The following PCSK9 variants were observed in gnomAD, a reference collection of about 807,000 sequenced individuals.
The protein encoded by PCSK9 is convertase subtilisin/kexin type 9 preproprotein.
Under a neutral mutation model 62.1 loss-of-function variants are expected in PCSK9, and 57 were observed. The observed-to-expected ratio is 0.92, with a 90% CI of 0.74 to 1.14. The LOEUF (loss-of-function observed/expected upper bound fraction) is 1.14. Among genes scored for constraint, PCSK9 ranks in the 50% most tolerant of loss-of-function variants. PCSK9 has a pLI of 0.00. For missense variants in PCSK9, 870 were observed against 959.8 expected (o/e 0.91, Z 1.24); for synonymous variants, 387 against 409.4 (o/e 0.95, Z 0.66).
intron 5 of PCSK9, among the ~76,000 whole-genome samples, chr1:55,055,040 CAG>C (rs1344664482): frequency 2.0e-5 from 3 of 150,602 alleles, no homozygotes; most frequent in African/African-American, 7.3e-5. Flanking sequence ...TTACTGTTGA[CAG>C]TAGCATGAGG....
intron 11 of PCSK9, among the ~76,000 whole-genome samples, chr1:55,062,260 A>T (rs1158369135): frequency 6.6e-6 from 1 of 152,268 alleles, no homozygotes; most frequent in Non-Finnish European, 1.5e-5. Context: ...GGCAGCCCTA[A>T]GGAGTCCACT....
In PCSK9 at chr1:55,061,521, G is replaced by A. The variant is rs2100337747; in HGVS notation, c.1828G>A (p.Val610Ile). ...CCHAPGLECK[V>I]KEHGIPAPQE... ...CCATGCCCCAGGTCTGGAATGCAAA[G>A]TCAAGGAGCATGGAATCCCGGCCCC... Residue 610 changes from valine to isoleucine, a missense_variant, in exon 11 of 12, where the codon GTC becomes ATC. Val to Ile is a conservative substitution (Grantham distance 29). Coordinates refer to ENST00000302118, the MANE Select transcript of PCSK9 (RefSeq NM_174936.4). 6.2e-7 allele frequency: 1 copy of A among 1,604,220 alleles called. No individual in the cohort carries two copies. Among genetic ancestry groups the A allele is most frequent in the Non-Finnish European group, 8.5e-7 (1 of 1,175,770 alleles).
intron 5 of PCSK9, among the ~76,000 whole-genome samples, chr1:55,054,661 T>TC (rs1272615724): frequency 6.6e-6 from 1 of 152,166 alleles, no homozygotes; most frequent in Non-Finnish European, 1.5e-5. Context: ...GCGTTAGGCC[T>TC]CCAGTCTCCA....
At position 55,057,474 on chromosome 1, in the gene PCSK9, G is replaced by A; in HGVS notation, c.1140G>A (p.Val380=). The change falls in exon 7 of 12, where the codon GTG becomes GTA. Residue 380 remains valine (V), a synonymous_variant. Transcript: ENST00000302118. ...GASSDCSTCF[V]SQSGTSQAAA... is the part of the protein sequence containing the mutation. ...CCAGCGACTGCAGCACCTGCTTTGT[G>A]TCACAGAGTGGGACATCACAGGCTG... 1 of 1,613,876 alleles carries A rather than the reference G, an allele frequency of 6.2e-7. No homozygotes were observed. Among genetic ancestry groups the A allele is most frequent in the Non-Finnish European group, 8.5e-7 (1 of 1,179,998 alleles).
At chr1:55,058,312 G>A in intron 8 of PCSK9, 103 bp downstream of exon 8, 1 of 1,476,640 alleles carries the variant, frequency 6.8e-7, no homozygotes, top group Admixed American at 1.9e-5. Context: ...GGAGGATGAC[G>A]CCACCTTAAA....
rs760614435 is a variant in PCSK9, at chr1:55,057,388, G to A, written c.1054G>A (p.Gly352Arg). ...CCAGCCGGTGACCCTGGGGACTTTGGGGACCAACTTTGGCCGCTGTGTGGA... is the reference window on the plus strand; with the variant it reads ...CCAGCCGGTGACCCTGGGGACTTTGAGGACCAACTTTGGCCGCTGTGTGGA... The part of the protein sequence containing the change: ...QDQPVTLGTL[G>R]TNFGRCVDLF... The change falls in exon 7 of 12, where the codon GGG (glycine) becomes AGG (arginine). Residue 352 changes from glycine (G) to arginine (R), a missense_variant. Transcript: ENST00000302118. 2 of 1,614,008 alleles carry A rather than the reference G, an allele frequency of 1.2e-6. No homozygotes were observed. The highest frequency in any genetic ancestry group is 1.7e-5 in the Admixed American group (1 of 60,012).
chr1:55,064,828 TAAAAAC>T lies in PCSK9; in HGVS notation c.*1248_*1253del, dbSNP rs1159316619. On this transcript the variant is annotated 3_prime_UTR_variant, in exon 12 of 12. Transcript: ENST00000302118. ...TTATTAATATGGTGACTTTTTAAAA[TAAAAAC>T]AAACAAACGTTGTCCTAACTCTTGC... is the stretch of plus-strand genomic sequence containing the variant. 6.6e-6 allele frequency: 1 copy of T among 152,172 alleles called. No homozygotes were observed. Among genetic ancestry groups the T allele is most frequent in the African/African-American group, 2.4e-5 (1 of 41,452 alleles). The allele number at this position is 152,172 out of a possible 1,614,324, so 9.4% of individuals were successfully genotyped here.
At chr1:55,058,866 G>A (rs1210818814) in intron 9 of PCSK9, among the ~76,000 whole-genome samples, 1 of 152,192 alleles carries the variant, frequency 6.6e-6, no homozygotes, top group East Asian at 1.9e-4. Context: ...ACAGCGGGAA[G>A]GGTTTCCTAG....
chr1:55,049,367 C>T lies in PCSK9; in HGVS notation c.523+2721C>T, dbSNP rs139658497. ...TTGGCCACAGTCTGAGCTTCTCAGGCGTATGGCAGGGCTGCCTGGTGAGAG... is the reference window on the plus strand; with the variant it reads ...TTGGCCACAGTCTGAGCTTCTCAGGTGTATGGCAGGGCTGCCTGGTGAGAG... On this transcript the variant is annotated intron_variant, in intron 3 of 11. Coordinates refer to ENST00000302118, the MANE Select transcript of PCSK9 (RefSeq NM_174936.4). Among the ~76,000 whole-genome samples the T allele has an allele frequency of 6.6e-3, 1,012 of 152,308 alleles. 9 individuals are homozygous for T. Among genetic ancestry groups the T allele is most frequent in the African/African-American group, 0.021 (863 of 41,572 alleles).
At chr1:55,050,437 G>A (rs879490754) in intron 3 of PCSK9, among the ~76,000 whole-genome samples, 3 of 152,226 alleles carry the variant, frequency 2.0e-5, no homozygotes, top group South Asian at 2.1e-4. Context: ...GTGTAGCACC[G>A]GGCACATGGT....
chr1:55,040,092 G>A lies in PCSK9; in HGVS notation c.207+48G>A, dbSNP rs1267993535. ...CCGGGGCGAACCCGCAGCCGGGACG[G>A]TGCGGTGCTGTTTCCTCTCGGGCCT... On this transcript the variant is annotated intron_variant, in intron 1 of 11. Transcript: ENST00000302118. The surrounding 1 kb of genome is among the most constrained non-coding windows in gnomAD (Gnocchi z 4.1). The A allele has an allele frequency of 1.9e-6, 3 of 1,538,890 alleles. No individual in the cohort carries two copies. Among genetic ancestry groups the A allele is most frequent in the Non-Finnish European group, 2.6e-6 (3 of 1,139,008 alleles).
chr1:55,045,528 G>A (rs1557500187), intron 2 of PCSK9, among the ~76,000 whole-genome samples: 1 of 152,184 alleles, frequency 6.6e-6, no homozygotes, highest in South Asian at 2.1e-4. Flanking sequence ...GTTGTGGCAG[G>A]AGGCTGTTAC....
At position 55,052,398 on chromosome 1, in the gene PCSK9, G is replaced by A. The variant is rs794728683; in HGVS notation, c.644G>A (p.Arg215His). ...AATGTGCCCGAGGAGGACGGGACCC[G>A]CTTCCACAGACAGGTAAGCACGGCC... ...FENVPEEDGT[R>H]FHRQASKCDS... is the part of the protein sequence containing the mutation. The change falls in exon 4 of 12, where the codon CGC becomes CAC. Residue 215 changes from arginine (R) to histidine (H), a missense_variant. Coordinates refer to ENST00000302118, the MANE Select transcript of PCSK9 (RefSeq NM_174936.4). 3.7e-6 allele frequency: 6 copies of A among 1,613,768 alleles called. No individual in the cohort carries two copies. The highest frequency in any genetic ancestry group is 1.7e-5 in the Admixed American group (1 of 60,004).
chr1:55,051,573 G>A (rs1644674164), intron 3 of PCSK9: 1 of 242,956 alleles, frequency 4.1e-6, no homozygotes, highest in South Asian at 4.7e-5. Context: ...TCCTGCATGG[G>A]CGACTCCCCC....
At chr1:55,046,741 C>G (rs531430686) in intron 3 of PCSK9, 95 bp downstream of exon 3, 155 of 1,494,378 alleles carry the variant, frequency 1.0e-4, no homozygotes, top group Admixed American at 5.2e-5. Flanking sequence ...TTCCACTTCT[C>G]GGGGGGCTTT....
rs1644584450 is a variant in PCSK9, at chr1:55,039,878, CACTGCTGCT to C, written c.42_50del (p.Leu21_Leu23del). 6.5e-7 allele frequency: 1 copy of C among 1,547,748 alleles called. No individual in the cohort carries two copies. The highest frequency in any genetic ancestry group is 8.7e-7 in the Non-Finnish European group (1 of 1,143,514). On this transcript the variant is annotated inframe_deletion, in exon 1 of 12. Transcript: ENST00000302118. ...TCCAGGCGGTCCTGGTGGCCGCTGC[CACTGCTGCT>C]GCTGCTGCTGCTGCTCCTGGGTCCC... is the stretch of plus-strand genomic sequence containing the variant.
rs559530158 is a variant in PCSK9 at position 55,048,924 on chromosome 1, C to T, written c.523+2278C>T. On this transcript the variant is annotated intron_variant, in intron 3 of 11. Coordinates refer to ENST00000302118, the MANE Select transcript of PCSK9 (RefSeq NM_174936.4). ...TTCTTTTCTTACCATTCAATAATAA[C>T]GTTTTGAGCACCCACTGTGCGCCAG... Among the ~76,000 whole-genome samples, 8 of 152,330 alleles carry T rather than the reference C, an allele frequency of 5.3e-5. No homozygotes were observed. The East Asian group carries it at 7.7e-4, about 15-fold the overall frequency.
At position 55,039,567 on chromosome 1, in the gene PCSK9, T is replaced by C. The variant is rs1485159187; in HGVS notation, c.-271T>C. 1 of 564,200 alleles carries C rather than the reference T, an allele frequency of 1.8e-6. No individual in the cohort carries two copies. The highest frequency in any genetic ancestry group is 1.9e-5 in the African/African-American group (1 of 52,462). 34.9% of individuals were successfully genotyped at this position (564,200 alleles called of 1,614,324 possible). On this transcript the variant is annotated 5_prime_UTR_variant, in exon 1 of 12. An upstream start codon of the reference 5' UTR is lost. Transcript: ENST00000302118. ...TTCCGCAGCGACGTCGAGGCGCTCA[T>C]GGTTGCAGGCGGGCGCCGCCGTTCA... is the stretch of plus-strand genomic sequence containing the variant.
chr1:55,039,656 C>A lies in PCSK9; in HGVS notation c.-182C>A. On this transcript the variant is annotated 5_prime_UTR_variant, in exon 1 of 12. Coordinates refer to ENST00000302118, the MANE Select transcript of PCSK9 (RefSeq NM_174936.4). ...AGACTGGCTCGGGCGGGCCGGGACG[C>A]GTCGTTGCAGCAGCGGCTCCCAGCT... is the stretch of plus-strand genomic sequence containing the variant. The A allele has an allele frequency of 1.4e-6, 1 of 704,216 alleles. No homozygotes were observed. Among genetic ancestry groups the A allele is most frequent in the African/African-American group, 1.8e-5 (1 of 56,180 alleles). The allele number at this position is 704,216 out of a possible 1,614,324, so 43.6% of individuals were successfully genotyped here.
Sources: allele counts gnomAD v4.1 joint callset (sites outside exome capture counted in the v4.1 genomes callset), GRCh38; gene constraint gnomAD v4.1.1; non-coding constraint Gnocchi (gnomAD v3.1); transcripts MANE v1.5; gene names NCBI Gene and HGNC (gene_info 2026-07-23, HGNC 2026-07-21).